The following NELL1 variants were observed in gnomAD, a reference collection of about 807,000 sequenced individuals.
NELL1 encodes the protein neural EGFL like 1.
In NELL1, 76 loss-of-function variants were observed where a neutral mutation model predicts 107.4. The ratio of observed to expected loss-of-function variants is 0.71; its 90% CI spans 0.59 to 0.86. The LOEUF (loss-of-function observed/expected upper bound fraction) is 0.86. Among genes scored for constraint, NELL1 ranks in the 40% least tolerant of loss-of-function variants. NELL1 has a pLI of 0.00. For synonymous variants in NELL1, 353 were observed against 341.2 expected, an observed-to-expected ratio of 1.03 and a Z score of -0.38; for missense variants, 1,024 against 1,005.5, an observed-to-expected ratio of 1.02 and a Z score of -0.25.
At chr11:20,868,930 G>A (rs79354744) in intron 4 of NELL1, among the ~76,000 whole-genome samples, 2,379 of 152,248 alleles carry the variant, frequency 0.016, 26 homozygotes, top group Non-Finnish European at 0.026. Context: ...AAGAAAACTC[G>A]AGGAAAGATT....
intron 13 of NELL1, among the ~76,000 whole-genome samples, chr11:21,155,848 A>G (rs1394239621): frequency 1.3e-5 from 2 of 152,194 alleles, no homozygotes; most frequent in East Asian, 3.9e-4. Context: ...GACTGATTGG[A>G]AAGGGAGAGA....
At chr11:20,679,654 T>C (rs1222367492) in intron 2 of NELL1, among the ~76,000 whole-genome samples, 2 of 152,178 alleles carry the variant, frequency 1.3e-5, no homozygotes, top group East Asian at 1.9e-4. Flanking sequence ...TGAGAGTCCA[T>C]ACCTTTCTTG....
At chr11:21,441,378 TG>T (rs1853281568) in intron 15 of NELL1, among the ~76,000 whole-genome samples, 2 of 137,816 alleles carry the variant, frequency 1.5e-5, no homozygotes, top group Non-Finnish European at 3.1e-5. Flanking sequence ...TGTGTGTGTG[TG>T]TGTTCTATGA....
At chr11:21,123,811 C>T (rs1855426786) in intron 13 of NELL1, among the ~76,000 whole-genome samples, 1 of 152,076 alleles carries the variant, frequency 6.6e-6, no homozygotes, top group South Asian at 2.1e-4. Context: ...AATATAAACT[C>T]ATGGAAATTC....
intron 16 of NELL1, among the ~76,000 whole-genome samples, chr11:21,534,787 ATTCT>A (rs1216541200): frequency 1.3e-5 from 2 of 152,090 alleles, no homozygotes; most frequent in Non-Finnish European, 2.9e-5. Context: ...AGTCTTCTTA[ATTCT>A]TTCTAAGGAA....
At chr11:21,452,683 C>T (rs1853617580) in intron 15 of NELL1, among the ~76,000 whole-genome samples, 1 of 151,964 alleles carries the variant, frequency 6.6e-6, no homozygotes, top group African/African-American at 2.4e-5. Context: ...CTTATCTTTA[C>T]TATTTCCTTC....
chr11:21,544,945 C>T (rs1231728608), intron 16 of NELL1, among the ~76,000 whole-genome samples: 1 of 151,666 alleles, frequency 6.6e-6, no homozygotes, highest in Non-Finnish European at 1.5e-5. Flanking sequence ...CTATAACTAT[C>T]AGAATGTTTC....
chr11:21,482,608 T>G (rs1242607228), intron 15 of NELL1, among the ~76,000 whole-genome samples: 1 of 152,068 alleles, frequency 6.6e-6, no homozygotes, highest in African/African-American at 2.4e-5. Context: ...GTGGTGATGG[T>G]TGTTGGAGAA....
At position 21,171,066 on chromosome 11, in the gene NELL1, C is replaced by T. The variant is rs577672234; in HGVS notation, c.1426+57352C>T. Among the ~76,000 whole-genome samples, 5 of 151,886 alleles carry T rather than the reference C, an allele frequency of 3.3e-5. No homozygotes were observed. In the East Asian group the frequency reaches 7.7e-4, roughly 24 times the overall value. On this transcript the variant is annotated intron_variant, in intron 13 of 19. Coordinates refer to ENST00000357134, the MANE Select transcript of NELL1 (RefSeq NM_006157.5). The stretch of plus-strand genomic sequence containing the variant: ...TTAGGTTGTTTTTCATCAGTGAATA[C>T]GTACATATCCAGCCTTTGCCTTACG...
At chr11:21,518,850 G>C (rs1029750887) in intron 15 of NELL1, among the ~76,000 whole-genome samples, 10 of 152,162 alleles carry the variant, frequency 6.6e-5, no homozygotes, top group Non-Finnish European at 1.3e-4. Context: ...CTGTAAAATA[G>C]AGATAAAAAT....
intron 14 of NELL1, among the ~76,000 whole-genome samples, chr11:21,282,556 C>T (rs557248025): frequency 6.7e-6 from 1 of 149,216 alleles, no homozygotes; most frequent in South Asian, 2.1e-4. Context: ...GAAAAGGGAA[C>T]ACCCAACACT....
At chr11:21,546,834 C>G (rs1856455239) in intron 16 of NELL1, among the ~76,000 whole-genome samples, 2 of 151,958 alleles carry the variant, frequency 1.3e-5, no homozygotes, top group South Asian at 2.1e-4. Context: ...TGAGATTACT[C>G]AAGCTGCTGT....
At chr11:20,864,772 T>TA (rs1785313645) in intron 4 of NELL1, among the ~76,000 whole-genome samples, 1 of 152,226 alleles carries the variant, frequency 6.6e-6, no homozygotes, top group South Asian at 2.1e-4. Context: ...ACTTCACACT[T>TA]ACTTTTATCT....
chr11:21,374,578 C>G (rs1240777446), intron 15 of NELL1, among the ~76,000 whole-genome samples: 1 of 152,010 alleles, frequency 6.6e-6, no homozygotes, highest in Non-Finnish European at 1.5e-5. Flanking sequence ...AGCCCACACT[C>G]AAGGAGAGAG....
chr11:20,875,044 G>A (rs575583123), intron 4 of NELL1, among the ~76,000 whole-genome samples: 88 of 152,112 alleles, frequency 5.8e-4, no homozygotes, highest in Non-Finnish European at 1.2e-3. Context: ...AACTAAATGC[G>A]ATTATCTCTG....
At chr11:21,392,405 C>T (rs1233948297) in intron 15 of NELL1, among the ~76,000 whole-genome samples, 1 of 151,842 alleles carries the variant, frequency 6.6e-6, no homozygotes, top group Non-Finnish European at 1.5e-5. Context: ...TTTCTCCTGT[C>T]TTCTAAGTGA....
chr11:20,792,672 T>C (rs573670520), intron 3 of NELL1, among the ~76,000 whole-genome samples: 1 of 152,140 alleles, frequency 6.6e-6, no homozygotes, highest in South Asian at 2.1e-4. Flanking sequence ...TAATAGAATC[T>C]ATAATGTTGA....
chr11:21,391,284 GTGGCC>G (rs1851872616), intron 15 of NELL1, among the ~76,000 whole-genome samples: 2 of 151,652 alleles, frequency 1.3e-5, no homozygotes, highest in African/African-American at 4.8e-5. Flanking sequence ...CTGAGAAACT[GTGGCC>G]GTTTTTTCAT....
intron 15 of NELL1, among the ~76,000 whole-genome samples, chr11:21,457,469 T>C (rs372872784): frequency 2.6e-5 from 4 of 152,156 alleles, no homozygotes; most frequent in East Asian, 3.9e-4. Context: ...TTAAGAACAG[T>C]GAGGTAAATG....
Sources: allele counts gnomAD v4.1 joint callset (sites outside exome capture counted in the v4.1 genomes callset), GRCh38; gene constraint gnomAD v4.1.1; transcripts MANE v1.5; gene names NCBI Gene and HGNC (gene_info 2026-07-23, HGNC 2026-07-21).